The following TENM3 variants were observed in gnomAD, a reference collection of about 807,000 sequenced individuals.
TENM3 encodes the protein teneurin-3.
TENM3 carries 63 observed loss-of-function variants against 255.1 expected under a neutral mutation model. That is an observed-to-expected ratio of 0.25 (90% confidence interval 0.20 to 0.30). The LOEUF is 0.30. TENM3 is among the 10% of genes least tolerant of loss of function. The probability of loss-of-function intolerance (pLI) is 1.00; values close to 1 mark genes in which losing one functional copy is unlikely to be tolerated. For missense variants in TENM3, 2,929 were observed against 3,461.1 expected (o/e 0.85, Z 3.86); for synonymous variants, 1,306 against 1,322.3 (o/e 0.99, Z 0.27).
the TENM3 span, among the ~76,000 whole-genome samples, chr4:182,035,838 T>A: frequency 1.3e-5 from 2 of 152,044 alleles, no homozygotes; most frequent in African/African-American, 4.8e-5. Context: ...AGGATGAAAA[T>A]CAAAATCCTA....
At chr4:182,281,724 C>A (rs1345152349) in intron 1 of TENM3, among the ~76,000 whole-genome samples, 1 of 152,044 alleles carries the variant, frequency 6.6e-6, no homozygotes, top group Non-Finnish European at 1.5e-5. Context: ...AATACATCAT[C>A]ATTTTATTTA....
At chr4:181,552,729 G>A in the TENM3 span, among the ~76,000 whole-genome samples, 2 of 152,212 alleles carry the variant, frequency 1.3e-5, no homozygotes, top group Middle Eastern at 3.2e-3. Context: ...TGTAAGAGAT[G>A]AAGGGACAGA....
intron 4 of TENM3, among the ~76,000 whole-genome samples, chr4:182,608,531 G>A (rs958043863): frequency 6.6e-6 from 1 of 152,184 alleles, no homozygotes; most frequent in African/African-American, 2.4e-5. Flanking sequence ...GAGAGCTCAC[G>A]TGCGCTGGGA....
At chr4:182,397,200 A>G (rs1768886689) in intron 3 of TENM3, among the ~76,000 whole-genome samples, 1 of 150,710 alleles carries the variant, frequency 6.6e-6, no homozygotes, top group African/African-American at 2.4e-5. Flanking sequence ...AAGTGTGAGC[A>G]GAGTAGGGAG....
the TENM3 span, among the ~76,000 whole-genome samples, chr4:181,719,030 C>A: frequency 6.6e-6 from 1 of 151,590 alleles, no homozygotes; most frequent in Non-Finnish European, 1.5e-5. Flanking sequence ...CAAGGTGAAA[C>A]CCCGTCTCTA....
At chr4:182,306,999 A>T (rs1762174432) in intron 1 of TENM3, among the ~76,000 whole-genome samples, 1 of 152,230 alleles carries the variant, frequency 6.6e-6, no homozygotes, top group African/African-American at 2.4e-5. Flanking sequence ...ATTAAAATAT[A>T]TTCCACATTA....
At chr4:182,021,773 CA>C in the TENM3 span, among the ~76,000 whole-genome samples, 1 of 151,984 alleles carries the variant, frequency 6.6e-6, no homozygotes, top group Admixed American at 6.6e-5. Context: ...AATGTAATAT[CA>C]AAGTGTAAAT....
At chr4:181,906,918 G>T in the TENM3 span, among the ~76,000 whole-genome samples, 7 of 151,658 alleles carry the variant, frequency 4.6e-5, no homozygotes, top group Non-Finnish European at 1.0e-4. Flanking sequence ...TCACTATGTC[G>T]CCCAGGCTGG....
the TENM3 span, among the ~76,000 whole-genome samples, chr4:181,638,197 A>G: frequency 2.0e-5 from 3 of 152,242 alleles, no homozygotes; most frequent in Non-Finnish European, 4.4e-5. Flanking sequence ...GAACCTACTT[A>G]TCCCACACAG....
chr4:182,261,668 G>A (rs1334616588), intron 1 of TENM3, among the ~76,000 whole-genome samples: 1 of 152,238 alleles, frequency 6.6e-6, no homozygotes, highest in Non-Finnish European at 1.5e-5. Context: ...TTTGGTAAGA[G>A]CAGCACTATC....
chr4:182,398,354 C>A (rs1460341900), intron 3 of TENM3, among the ~76,000 whole-genome samples: 1 of 152,192 alleles, frequency 6.6e-6, no homozygotes, highest in Non-Finnish European at 1.5e-5. Flanking sequence ...ATGCACCCCA[C>A]ACCTCCACTG....
chr4:182,114,823 T>G, the TENM3 span, among the ~76,000 whole-genome samples: 148 of 152,314 alleles, frequency 9.7e-4, no homozygotes, highest in African/African-American at 3.4e-3. Context: ...TTTTATTTAT[T>G]TATTTTTGGC....
At chr4:182,177,614 ATTTT>A (rs5864769) in intron 1 of TENM3, among the ~76,000 whole-genome samples, 4 of 132,838 alleles carry the variant, frequency 3.0e-5, no homozygotes, top group Admixed American at 7.3e-5. Context: ...ATATATATAT[ATTTT>A]TTTTTTTTTT....
chr4:181,665,636 TAC>T, the TENM3 span, among the ~76,000 whole-genome samples: 1 of 151,234 alleles, frequency 6.6e-6, no homozygotes, highest in African/African-American at 2.4e-5. Context: ...TACACACACA[TAC>T]ACACACATAT....
rs533926682 is a variant in TENM3, at chr4:182,606,295, G to A, written c.749+5134G>A. ...TCCCAGCACTTTGGGAGGCCGAGGC[G>A]GGTGGATCACCTGAGGTCAGGAGTT... On this transcript the variant is annotated intron_variant, in intron 4 of 27. Coordinates refer to ENST00000511685, the MANE Select transcript of TENM3 (RefSeq NM_001080477.4). Among the ~76,000 whole-genome samples, 9 of 152,138 alleles carry A rather than the reference G, an allele frequency of 5.9e-5. No homozygotes were observed. The South Asian group carries it at 8.3e-4, about 14-fold the overall frequency.
chr4:181,568,626 C>A, the TENM3 span, among the ~76,000 whole-genome samples: 1 of 152,282 alleles, frequency 6.6e-6, no homozygotes, highest in East Asian at 1.9e-4. Flanking sequence ...GACCTTTATT[C>A]CCCCTGGAAC....
the TENM3 span, chr4:181,821,533 A>G: frequency 6.6e-6 from 1 of 152,212 alleles, no homozygotes; most frequent in Non-Finnish European, 1.5e-5. Context: ...GAATACATGC[A>G]TTTGTGGAAT....
chr4:181,954,677 T>G, the TENM3 span, among the ~76,000 whole-genome samples: 10 of 152,162 alleles, frequency 6.6e-5, no homozygotes, highest in Admixed American at 6.5e-4. Flanking sequence ...AGTGGCTTGA[T>G]TTTTCATTTT....
rs558597129 is a variant in TENM3, at chr4:182,505,031, CATA to C, written c.512-95889_512-95887del. Among the ~76,000 whole-genome samples the C allele has an allele frequency of 2.0e-5, 3 of 152,170 alleles. No individual in the cohort carries two copies. The South Asian group carries it at 6.2e-4, about 32-fold the overall frequency. ...ACTTGTTTTTCATTTTTTATTACAT[CATA>C]ATACTTATTTGCTGACAAACTCATC... On this transcript the variant is annotated intron_variant, in intron 3 of 27. Coordinates refer to ENST00000511685, the MANE Select transcript of TENM3 (RefSeq NM_001080477.4).
Sources: gnomAD v4.1 joint callset for allele counts (sites outside exome capture counted in the v4.1 genomes callset) on GRCh38, gnomAD v4.1.1 for gene constraint, MANE v1.5 for transcripts, NCBI Gene and HGNC (gene_info 2026-07-23, HGNC 2026-07-21) for gene names.